The following CCDC194 variants were observed in gnomAD, a reference collection of about 807,000 sequenced individuals.
CCDC194 encodes coiled-coil domain-containing protein 194.
A neutral mutation model predicts 4.9 loss-of-function variants in CCDC194; 8 were observed. The observed-to-expected ratio is 1.65, with a 90% confidence interval of 0.97 to 2.97. CCDC194 has a LOEUF of 2.97. Ranked by LOEUF, CCDC194 falls within the 30% of genes most tolerant of loss-of-function variation. The probability of loss-of-function intolerance (pLI) is 0.00; values close to 1 mark genes in which losing one functional copy is unlikely to be tolerated. For synonymous variants in CCDC194, 13 were observed against 17.0 expected (o/e 0.76, Z 0.58); for missense variants, 52 against 43.1 (o/e 1.21, Z -0.58).
intron 1 of CCDC194, among the ~76,000 whole-genome samples, chr19:17,392,649 T>C (rs1250636112): frequency 6.6e-6 from 1 of 152,074 alleles, no homozygotes; most frequent in Non-Finnish European, 1.5e-5. Flanking sequence ...GTACTTGGAG[T>C]AGGATCCTCT....
chr19:17,388,601 A>G (rs2074643929), downstream of CCDC194, among the ~76,000 whole-genome samples: 1 of 151,586 alleles, frequency 6.6e-6, no homozygotes, highest in Non-Finnish European at 1.5e-5. Context: ...GGGTTTCACC[A>G]TGTTGCCCAG....
chr19:17,393,721 C>G (rs991319691), intron 1 of CCDC194, 114 bp downstream of exon 1: 7 of 390,484 alleles, frequency 1.8e-5, no homozygotes, highest in African/African-American at 1.4e-4. Context: ...CCTCTCAATT[C>G]GAGGAACTGG....
chr19:17,393,335 C>G (rs1489202636), intron 1 of CCDC194, among the ~76,000 whole-genome samples: 1 of 150,394 alleles, frequency 6.6e-6, no homozygotes, highest in African/African-American at 2.5e-5. Context: ...TGGCGTTTCT[C>G]CAGACACCAT....
At chr19:17,389,432 A>G (rs1307071516), downstream of CCDC194, among the ~76,000 whole-genome samples, 2 of 152,210 alleles carry the variant, frequency 1.3e-5, no homozygotes, top group African/African-American at 4.8e-5. Context: ...GATTCAACCT[A>G]CAGATTCTCT....
exon 2 of CCDC194, chr19:17,391,808 C>T (rs1271876010): frequency 2.6e-6 from 4 of 1,535,456 alleles, no homozygotes; most frequent in Non-Finnish European, 3.5e-6. Flanking sequence ...CTTCGTCCAT[C>T]TCAATCTTCA....
chr19:17,391,963 G>A lies in CCDC194; in HGVS notation c.325-117C>T, dbSNP rs1357843693. 5 of 988,020 alleles carry A rather than the reference G, an allele frequency of 5.1e-6. No homozygotes were observed. The East Asian group carries it at 1.2e-4, about 23-fold the overall frequency. The allele number at this position is 988,020 out of a possible 1,614,324, so 61.2% of individuals were successfully genotyped here. A position where few individuals can be genotyped will look rare whatever the true frequency, so the allele number is the denominator to read the frequency against. The stretch of plus-strand genomic sequence containing the variant: ...TGCGACCCTGTGTCCTGAGCTTTGT[G>A]TGGAATGTCCTTTGGGGCCTTGTAG... On this transcript the variant is annotated intron_variant, in intron 1 of 3. Transcript: ENST00000636079.
intron 1 of CCDC194, among the ~76,000 whole-genome samples, chr19:17,392,610 C>T (rs1297240280): frequency 1.3e-5 from 2 of 152,218 alleles, no homozygotes; most frequent in Non-Finnish European, 2.9e-5. Context: ...CTCAGTGCGT[C>T]TTACAGCAAG....
chr19:17,393,183 G>A (rs1381668447), intron 1 of CCDC194, among the ~76,000 whole-genome samples: 2 of 151,984 alleles, frequency 1.3e-5, no homozygotes, highest in African/African-American at 4.8e-5. Context: ...GGAAAAGGAG[G>A]ACCCAGCAGG....
exon 3 of CCDC194, chr19:17,391,315 G>GGCC: frequency 2.3e-6 from 1 of 429,552 alleles, no homozygotes; most frequent in Non-Finnish European, 4.1e-6. Context: ...TAGACTCCGT[G>GGCC]GCCGCCGCCT....
chr19:17,393,284 G>A (rs1214047185), intron 1 of CCDC194, among the ~76,000 whole-genome samples: 1 of 152,132 alleles, frequency 6.6e-6, no homozygotes, highest in Admixed American at 6.6e-5. Flanking sequence ...ACTGGCTGGA[G>A]TGGGGCTGAG....
chr19:17,389,762 C>G (rs1253598345), downstream of CCDC194, among the ~76,000 whole-genome samples: 2 of 152,116 alleles, frequency 1.3e-5, no homozygotes, highest in African/African-American at 2.4e-5. Context: ...CTCAGGAGTT[C>G]GAGACCAGCC....
intron 2 of CCDC194, 23 bp downstream of exon 2, chr19:17,391,727 C>T: frequency 6.5e-7 from 1 of 1,535,742 alleles, no homozygotes; most frequent in South Asian, 1.2e-5. Flanking sequence ...TATCCCTGCC[C>T]ACTCCCTTAC....
intron 1 of CCDC194, among the ~76,000 whole-genome samples, chr19:17,392,895 T>A (rs2074660128): frequency 6.6e-6 from 1 of 152,202 alleles, no homozygotes; most frequent in African/African-American, 2.4e-5. Flanking sequence ...TTGGCCAGGC[T>A]GGTCTCGAAC....
downstream of CCDC194, chr19:17,390,464 A>AT (rs2074649910): frequency 2.7e-6 from 1 of 366,734 alleles, no homozygotes; most frequent in South Asian, 1.4e-4. This position sits in a 1 kb window ranked among gnomAD's most constrained non-coding sequence, Gnocchi z 5.5. Flanking sequence ...CCCCCCCCCC[A>AT]TATGTGTCCT....
downstream of CCDC194, among the ~76,000 whole-genome samples, chr19:17,387,478 G>A (rs954504569): frequency 4.6e-5 from 7 of 152,124 alleles, no homozygotes; most frequent in Admixed American, 4.6e-4. Context: ...AGCACTTTGG[G>A]AGGCCAAGGA....
exon 1 of CCDC194, chr19:17,394,152 C>G (rs945649463): frequency 2.6e-6 from 1 of 391,898 alleles, no homozygotes; most frequent in African/African-American, 2.1e-5. Flanking sequence ...GGCCCCGGCT[C>G]GGCCATGCCG....
chr19:17,391,291 G>T, exon 3 of CCDC194: 1 of 420,380 alleles, frequency 2.4e-6, no homozygotes, highest in Non-Finnish European at 4.2e-6. Context: ...GCAGAGCCTC[G>T]TCCAGCCGCC....
chr19:17,390,178 C>G (rs577116812), downstream of CCDC194, among the ~76,000 whole-genome samples: 1 of 152,116 alleles, frequency 6.6e-6, no homozygotes, highest in African/African-American at 2.4e-5. The surrounding 1 kb of genome is among the most constrained non-coding windows in gnomAD (Gnocchi z 5.5). Context: ...GTGACCCTTT[C>G]CGGTTTTTCC....
chr19:17,388,782 C>G (rs1320273207), downstream of CCDC194, among the ~76,000 whole-genome samples: 1 of 151,558 alleles, frequency 6.6e-6, no homozygotes, highest in Non-Finnish European at 1.5e-5. Flanking sequence ...GGCTTACAGG[C>G]ATGAACCACT....
Sources: gnomAD v4.1 joint callset for allele counts (sites outside exome capture counted in the v4.1 genomes callset) on GRCh38, gnomAD v4.1.1 for gene constraint, Gnocchi (gnomAD v3.1) non-coding constraint, MANE v1.5 for transcripts, NCBI Gene and HGNC (gene_info 2026-07-23, HGNC 2026-07-21) for gene names.